Variants in MFHAS1 observed in about 807,000 individuals in gnomAD.
The protein encoded by MFHAS1 is malignant fibrous histiocytoma-amplified sequence 1.
In MFHAS1, 50 loss-of-function variants were observed where a neutral mutation model predicts 70.4. The ratio of observed to expected loss-of-function variants is 0.71; its 90% CI spans 0.57 to 0.90. MFHAS1 has a LOEUF of 0.90. MFHAS1 is among the 40% of genes least tolerant of loss of function. The pLI is 0.00. For missense variants in MFHAS1, 1,795 were observed against 1,347.6 expected (o/e 1.33, Z -5.20); for synonymous variants, 952 against 620.0 (o/e 1.54, Z -7.96).
Position 8,890,053 on chromosome 8 carries a change from C to T in MFHAS1, c.2998+8G>A, listed in dbSNP as rs563682160. Reference sequence around the variant, plus strand: ...ACCACAGAAGAACTTCTCCCTCTCTCCACTTACCTGGAAAAGCATGTGGAT... The same window carrying T: ...ACCACAGAAGAACTTCTCCCTCTCTTCACTTACCTGGAAAAGCATGTGGAT... On this transcript the variant is annotated splice_region_variant and intron_variant, in intron 1 of 2. Transcript: ENST00000276282. 33 of 1,581,096 alleles carry T rather than the reference C, an allele frequency of 2.1e-5. No individual in the cohort carries two copies. The South Asian group carries it at 3.6e-4, about 17-fold the overall frequency.
intron 1 of MFHAS1, among the ~76,000 whole-genome samples, chr8:8,841,122 G>C (rs532350701): frequency 6.6e-6 from 1 of 152,252 alleles, no homozygotes; most frequent in African/African-American, 2.4e-5. Context: ...CATCTCCTTC[G>C]CATATTCCTT....
At chr8:8,825,473 TAAGA>T (rs1807124432) in intron 1 of MFHAS1, among the ~76,000 whole-genome samples, 1 of 152,108 alleles carries the variant, frequency 6.6e-6, no homozygotes, top group Non-Finnish European at 1.5e-5. Context: ...ATGCCCAGCC[TAAGA>T]ACAGGTATTT....
chr8:8,809,254 G>T (rs1418208241), intron 1 of MFHAS1, among the ~76,000 whole-genome samples: 1 of 152,070 alleles, frequency 6.6e-6, no homozygotes, highest in Non-Finnish European at 1.5e-5. Context: ...TAGAAATAAA[G>T]TGCACGACAA....
chr8:8,878,100 G>T (rs764826694), intron 1 of MFHAS1, among the ~76,000 whole-genome samples: 3 of 152,080 alleles, frequency 2.0e-5, no homozygotes, highest in Non-Finnish European at 2.9e-5. Context: ...CCCTGATGGC[G>T]CTCTCCCCAC....
chr8:8,792,842 G>A (rs984057015), intron 2 of MFHAS1, among the ~76,000 whole-genome samples: 2 of 152,170 alleles, frequency 1.3e-5, no homozygotes, highest in Admixed American at 6.5e-5. Context: ...TTTTAAAAAT[G>A]TATCTGTCAC....
At chr8:8,811,354 C>G (rs1002607170) in intron 1 of MFHAS1, among the ~76,000 whole-genome samples, 5 of 151,856 alleles carry the variant, frequency 3.3e-5, no homozygotes, top group Non-Finnish European at 7.4e-5. Context: ...GTCACCCAGG[C>G]TGGAGTACAG....
chr8:8,816,122 C>G (rs549528240), intron 1 of MFHAS1, among the ~76,000 whole-genome samples: 1 of 152,192 alleles, frequency 6.6e-6, no homozygotes, highest in South Asian at 2.1e-4. Flanking sequence ...GCTGGAGTGA[C>G]AGGAAGCAGA....
intron 1 of MFHAS1, among the ~76,000 whole-genome samples, chr8:8,849,483 G>C (rs1302866303): frequency 6.6e-6 from 1 of 152,214 alleles, no homozygotes; most frequent in Non-Finnish European, 1.5e-5. Context: ...TGCATAATGT[G>C]TGTGCACTTA....
In MFHAS1 at chr8:8,892,158, G is replaced by A. The variant is rs781226106; in HGVS notation, c.901C>T (p.Leu301Phe). Residue 301 changes from leucine to phenylalanine, a missense_variant, in exon 1 of 3, where the codon CTC becomes TTC. By Grantham distance (22) the Leu-to-Phe change is conservative. Coordinates refer to ENST00000276282, the MANE Select transcript of MFHAS1 (RefSeq NM_004225.3). The surrounding 1 kb of genome is among the most constrained non-coding windows in gnomAD (Gnocchi z 4.7). ...GTGAGCTGGTTGCGACTAAGGTAGA[G>A]CTCCTCCAGACCAGCCAGGGGCAGC... ...ALLPLAGLEE[L>F]YLSRNQLTSV... The A allele has an allele frequency of 6.2e-7, 1 of 1,611,026 alleles. No homozygotes were observed. Among genetic ancestry groups the A allele is most frequent in the Non-Finnish European group, 8.5e-7 (1 of 1,179,998 alleles).
At chr8:8,826,073 T>A (rs1007951239) in intron 1 of MFHAS1, among the ~76,000 whole-genome samples, 1 of 152,320 alleles carries the variant, frequency 6.6e-6, no homozygotes, top group South Asian at 2.1e-4. Context: ...ATCAACTTCC[T>A]TCCTTTAAAG....
At chr8:8,844,681 C>A (rs888911961) in intron 1 of MFHAS1, among the ~76,000 whole-genome samples, 1 of 152,206 alleles carries the variant, frequency 6.6e-6, no homozygotes, top group Non-Finnish European at 1.5e-5. Context: ...CACACTCTAT[C>A]CCCTGAACCT....
intron 1 of MFHAS1, among the ~76,000 whole-genome samples, chr8:8,838,193 G>C (rs1274842821): frequency 3.3e-5 from 5 of 152,168 alleles, no homozygotes; most frequent in Non-Finnish European, 5.9e-5. Context: ...CGAAGCTCTA[G>C]ACAAGGCAGA....
intron 1 of MFHAS1, among the ~76,000 whole-genome samples, chr8:8,883,723 A>AG (rs1697967708): frequency 2.7e-5 from 4 of 149,862 alleles, no homozygotes; most frequent in African/African-American, 9.8e-5. Flanking sequence ...AAAAAAAAAA[A>AG]AAAAAAAAGA....
At position 8,856,980 on chromosome 8, in the gene MFHAS1, G is replaced by GAA. The variant is rs59496543; in HGVS notation, c.2998+33079_2998+33080dup. Among the ~76,000 whole-genome samples the GAA allele has an allele frequency of 1.9e-3, 102 of 53,394 alleles. 7 individuals are homozygous for GAA. The highest frequency in any genetic ancestry group is 2.4e-3 in the Non-Finnish European group (73 of 30,112). 35.0% of individuals were successfully genotyped at this position (53,394 alleles called of 152,430 possible). On this transcript the variant is annotated intron_variant, in intron 1 of 2. Coordinates refer to ENST00000276282, the MANE Select transcript of MFHAS1 (RefSeq NM_004225.3). ...CCTGACACTTTCACATCAGGAAAGT[G>GAA]AAAAAAAAAAAAAAAAAAAAAAAAA...
At chr8:8,881,249 T>G (rs192100112) in intron 1 of MFHAS1, among the ~76,000 whole-genome samples, 11 of 152,340 alleles carry the variant, frequency 7.2e-5, no homozygotes, top group South Asian at 2.1e-4. Flanking sequence ...TCTGAAGGAT[T>G]TAGTGCCAAA....
At chr8:8,832,062 GCACA>G (rs59984727) in intron 1 of MFHAS1, among the ~76,000 whole-genome samples, 3 of 149,494 alleles carry the variant, frequency 2.0e-5, no homozygotes, top group African/African-American at 7.5e-5. Flanking sequence ...GCGCGCGCGC[GCACA>G]CACACACACA....
intron 2 of MFHAS1, among the ~76,000 whole-genome samples, chr8:8,793,104 A>G (rs141588268): frequency 8.5e-5 from 13 of 152,298 alleles, no homozygotes; most frequent in Admixed American, 2.0e-4. Flanking sequence ...CCTCTTCCCA[A>G]TGAAACGCTG....
At chr8:8,875,795 G>A (rs1012339951) in intron 1 of MFHAS1, among the ~76,000 whole-genome samples, 1 of 152,132 alleles carries the variant, frequency 6.6e-6, no homozygotes, top group South Asian at 2.1e-4. Flanking sequence ...GTTTCACCAT[G>A]TCAGACTGCT....
chr8:8,787,291 A>AG (rs1805584853), intron 2 of MFHAS1, among the ~76,000 whole-genome samples: 1 of 152,270 alleles, frequency 6.6e-6, no homozygotes, highest in Non-Finnish European at 1.5e-5. Context: ...CATGTTAGCC[A>AG]GGATGATCTT....
Sources: allele counts gnomAD v4.1 joint callset (sites outside exome capture counted in the v4.1 genomes callset), GRCh38; gene constraint gnomAD v4.1.1; non-coding constraint Gnocchi (gnomAD v3.1); transcripts MANE v1.5; gene names NCBI Gene and HGNC (gene_info 2026-07-23, HGNC 2026-07-21).